The following MAPK4 variants were observed in gnomAD, a reference collection of about 807,000 sequenced individuals.
The protein encoded by MAPK4 is mitogen-activated protein kinase 4.
In MAPK4, 22 loss-of-function variants were observed where a neutral mutation model predicts 47.7. That is an observed-to-expected ratio of 0.46 (90% CI 0.33 to 0.66). MAPK4 has a LOEUF of 0.66. MAPK4 is among the 30% of genes least tolerant of loss of function. The pLI, the probability that MAPK4 is intolerant of heterozygous loss-of-function variation, is 0.02. For synonymous variants in MAPK4, 390 were observed against 365.7 expected (o/e 1.07, Z -0.76); for missense variants, 736 against 831.7 (o/e 0.88, Z 1.42).
chr18:50,631,297 T>A (rs1416087468), intron 1 of MAPK4, among the ~76,000 whole-genome samples: 1 of 152,182 alleles, frequency 6.6e-6, no homozygotes, highest in Non-Finnish European at 1.5e-5. Flanking sequence ...CCAGGGAGGC[T>A]GTGATGTGCC....
At chr18:50,624,676 AT>A (rs1238432840) in intron 1 of MAPK4, among the ~76,000 whole-genome samples, 5 of 152,082 alleles carry the variant, frequency 3.3e-5, no homozygotes, top group Non-Finnish European at 7.4e-5. Context: ...TGAATTTACA[AT>A]TTTTTCAAAG....
At chr18:50,581,538 T>C (rs2042344740) in intron 1 of MAPK4, among the ~76,000 whole-genome samples, 1 of 152,220 alleles carries the variant, frequency 6.6e-6, no homozygotes, top group East Asian at 1.9e-4. Flanking sequence ...TCATTAGAAG[T>C]GAGCCACTGA....
intron 1 of MAPK4, among the ~76,000 whole-genome samples, chr18:50,596,322 G>T (rs973525847): frequency 6.6e-6 from 1 of 152,086 alleles, no homozygotes; most frequent in African/African-American, 2.4e-5. Flanking sequence ...GTTATGCCTG[G>T]CCCCTGGTTT....
chr18:50,578,411 A>G lies in MAPK4; in HGVS notation c.-871+18168A>G, dbSNP rs186052150. 9.6e-4 allele frequency among the ~76,000 whole-genome samples: 147 copies of G among 152,360 alleles called. No homozygotes were observed. The Middle Eastern group carries it at 0.01, about 11-fold the overall frequency. ...GTTTCCAATTCAGTAGGTATAGGAT[A>G]GGGTCCAAGAATATGCGTTTCTAAT... is the stretch of plus-strand genomic sequence containing the variant. On this transcript the variant is annotated intron_variant, in intron 1 of 5. Transcript: ENST00000400384.
At position 50,729,533 on chromosome 18, in the gene MAPK4, G is replaced by A. The variant is rs1911419716; in HGVS notation, c.1443G>A (p.Ala481=). ...CCACGGGGCTGGCGGACACGGGGGC[G>A]CGCGAGGACGAGCCGGCCAGCCTCT... ...PTATGLADTG[A]REDEPASLFL... Residue 481 remains alanine, a synonymous_variant, in exon 6 of 6, where the codon GCG becomes GCA. Transcript: ENST00000400384. 6 of 1,429,852 alleles carry A rather than the reference G, an allele frequency of 4.2e-6. No homozygotes were observed. Among genetic ancestry groups the A allele is most frequent in the Non-Finnish European group, 4.6e-6 (5 of 1,092,124 alleles). 88.6% of individuals were successfully genotyped at this position (1,429,852 alleles called of 1,614,324 possible).
At chr18:50,613,216 A>G (rs2042655358) in intron 1 of MAPK4, among the ~76,000 whole-genome samples, 1 of 152,176 alleles carries the variant, frequency 6.6e-6, no homozygotes, top group Admixed American at 6.5e-5. Flanking sequence ...TGATCATGTT[A>G]TGTTATAGAA....
chr18:50,592,531 G>T (rs944266724), intron 1 of MAPK4, among the ~76,000 whole-genome samples: 1 of 149,186 alleles, frequency 6.7e-6, no homozygotes, highest in Non-Finnish European at 1.5e-5. Flanking sequence ...AACCCCCCCC[G>T]CTTGGTGTCT....
At chr18:50,686,334 T>C (rs1179279859) in intron 2 of MAPK4, among the ~76,000 whole-genome samples, 1 of 152,162 alleles carries the variant, frequency 6.6e-6, no homozygotes, top group Non-Finnish European at 1.5e-5. Flanking sequence ...AGGCAGGAGA[T>C]TGAATGGGAA....
At chr18:50,728,011 A>G (rs1465400752) in intron 5 of MAPK4, among the ~76,000 whole-genome samples, 2 of 152,202 alleles carry the variant, frequency 1.3e-5, no homozygotes, top group African/African-American at 2.4e-5. Context: ...TGTAGGAGCA[A>G]TTCCTGCCCT....
At chr18:50,572,653 T>C (rs1189636818) in intron 1 of MAPK4, among the ~76,000 whole-genome samples, 1 of 152,192 alleles carries the variant, frequency 6.6e-6, no homozygotes, top group African/African-American at 2.4e-5. Flanking sequence ...TCCGTTGTCT[T>C]TTCTTTCCAG....
chr18:50,672,439 G>GTA (rs2071274859), intron 2 of MAPK4, among the ~76,000 whole-genome samples: 1 of 152,178 alleles, frequency 6.6e-6, no homozygotes, highest in South Asian at 2.1e-4. Context: ...AACGGAGGCT[G>GTA]TACTTGAGAG....
At chr18:50,694,201 C>T (rs1909383498) in intron 2 of MAPK4, among the ~76,000 whole-genome samples, 1 of 152,158 alleles carries the variant, frequency 6.6e-6, no homozygotes, top group African/African-American at 2.4e-5. Context: ...TCAGAATGAC[C>T]TCCCTCAAGG....
In MAPK4 at chr18:50,585,875, G is replaced by T. The variant is rs936379029; in HGVS notation, c.-871+25632G>T. ...GAGCAAAGGGGGAAAAGCCTCATCA[G>T]ATCTCGTGAGAACTCACTCACTGTC... On this transcript the variant is annotated intron_variant, in intron 1 of 5. Transcript: ENST00000400384. Among the ~76,000 whole-genome samples the T allele has an allele frequency of 2.6e-5, 4 of 152,298 alleles. No homozygotes were observed. In the East Asian group the frequency reaches 7.7e-4, roughly 29 times the overall value.
At chr18:50,579,202 C>T (rs1326938535) in intron 1 of MAPK4, among the ~76,000 whole-genome samples, 2 of 152,042 alleles carry the variant, frequency 1.3e-5, no homozygotes, top group Non-Finnish European at 2.9e-5. Flanking sequence ...AGAACATGCA[C>T]GTGCAGGAGA....
At position 50,727,903 on chromosome 18, in the gene MAPK4, G is replaced by A. The variant is rs563303216; in HGVS notation, c.1068-1255G>A. Among the ~76,000 whole-genome samples the A allele has an allele frequency of 2.2e-4, 34 of 152,304 alleles. 1 individual carries two copies. In the South Asian group the frequency reaches 6.6e-3, roughly 30 times the overall value. On this transcript the variant is annotated intron_variant, in intron 5 of 5. Transcript: ENST00000400384. The stretch of plus-strand genomic sequence containing the variant: ...GAAGACTACAGATAATGTATGTTTG[G>A]CACTTGGAATAGAGCAGCCAAGGGT...
Position 50,729,886 on chromosome 18 carries a change from C to G in MAPK4, c.*32C>G. 1 of 1,525,944 alleles carries G rather than the reference C, an allele frequency of 6.6e-7. No homozygotes were observed. Among genetic ancestry groups the G allele is most frequent in the Non-Finnish European group, 8.8e-7 (1 of 1,130,772 alleles). 94.5% of individuals were successfully genotyped at this position (1,525,944 alleles called of 1,614,324 possible). A position where few individuals can be genotyped will look rare whatever the true frequency, so the allele number is the denominator to read the frequency against. On this transcript the variant is annotated 3_prime_UTR_variant, in exon 6 of 6. Coordinates refer to ENST00000400384, the MANE Select transcript of MAPK4 (RefSeq NM_002747.4). ...AGGGGCCGCTCCAGGCCCCACAGAG[C>G]AGGAGACCCCCAGAGAAAGCCGGGG...
At chr18:50,634,012 C>T (rs1443713689) in intron 1 of MAPK4, among the ~76,000 whole-genome samples, 4 of 152,102 alleles carry the variant, frequency 2.6e-5, no homozygotes, top group Non-Finnish European at 4.4e-5. Context: ...TGTAGGAGAA[C>T]AGTAGTTTGG....
chr18:50,589,579 G>C (rs1483384837), intron 1 of MAPK4, among the ~76,000 whole-genome samples: 1 of 142,966 alleles, frequency 7.0e-6, no homozygotes, highest in African/African-American at 2.6e-5. Context: ...CTGGGCGACA[G>C]AGCGAGACTC....
chr18:50,700,440 C>T (rs1016700050), intron 2 of MAPK4, among the ~76,000 whole-genome samples: 1 of 152,208 alleles, frequency 6.6e-6, no homozygotes, highest in African/African-American at 2.4e-5. Flanking sequence ...AGTGAATTAG[C>T]TACAGGTGCA....
Sources: gnomAD v4.1 joint callset for allele counts (sites outside exome capture counted in the v4.1 genomes callset) on GRCh38, gnomAD v4.1.1 for gene constraint, MANE v1.5 for transcripts, NCBI Gene and HGNC (gene_info 2026-07-23, HGNC 2026-07-21) for gene names.